The following DAB1 variants were observed in gnomAD, a reference collection of about 807,000 sequenced individuals.
DAB1 encodes DAB adaptor protein 1.
A neutral mutation model predicts 64.6 loss-of-function variants in DAB1; 15 were observed. The observed-to-expected ratio is 0.23, with a 90% confidence interval of 0.16 to 0.36. DAB1 has a LOEUF of 0.36. Among genes scored for constraint, DAB1 ranks in the 10% least tolerant of loss-of-function variants. The pLI is 1.00. For missense variants in DAB1, 596 were observed against 706.7 expected, an observed-to-expected ratio of 0.84 and a Z score of 1.78; for synonymous variants, 235 against 251.9, an observed-to-expected ratio of 0.93 and a Z score of 0.64.
chr1:57,538,488 G>A (rs769295086), intron 7 of DAB1, among the ~76,000 whole-genome samples: 22 of 152,248 alleles, frequency 1.4e-4, no homozygotes, highest in Admixed American at 1.2e-3. Flanking sequence ...GTGCTCTCTC[G>A]GTTTATCATG....
chr1:57,665,855 G>C (rs1470091986), intron 6 of DAB1, among the ~76,000 whole-genome samples: 289 of 144,930 alleles, frequency 2.0e-3, no homozygotes, highest in African/African-American at 6.2e-3. Context: ...TTATCTGTGT[G>C]TGTGTGTGTG....
chr1:57,764,304 T>A (rs932090149), intron 6 of DAB1, among the ~76,000 whole-genome samples: 1 of 152,182 alleles, frequency 6.6e-6, no homozygotes, highest in Non-Finnish European at 1.5e-5. Context: ...TCTCCTTTTT[T>A]AATTAACACA....
chr1:57,169,265 CA>C (rs1661500775), intron 2 of DAB1, among the ~76,000 whole-genome samples: 1 of 152,134 alleles, frequency 6.6e-6, no homozygotes, highest in Admixed American at 6.5e-5. Context: ...ACCCACTCTT[CA>C]ACAATCTCTT....
At chr1:58,327,152 TAGGGCA>T (rs1461680845) in intron 4 of DAB1, among the ~76,000 whole-genome samples, 2 of 152,228 alleles carry the variant, frequency 1.3e-5, no homozygotes, top group African/African-American at 4.8e-5. Flanking sequence ...TAATCAGTGC[TAGGGCA>T]AAATTTCACC....
intron 3 of DAB1, among the ~76,000 whole-genome samples, chr1:58,439,738 T>G (rs1448580956): frequency 1.3e-5 from 2 of 152,198 alleles, no homozygotes; most frequent in African/African-American, 4.8e-5. Context: ...AGATTCAAAC[T>G]CAGGCAATGT....
intron 7 of DAB1, among the ~76,000 whole-genome samples, chr1:57,609,265 C>T (rs1205055794): frequency 6.6e-6 from 1 of 152,130 alleles, no homozygotes; most frequent in Non-Finnish European, 1.5e-5. Context: ...AATTGATGAT[C>T]GTATGTGTAC....
chr1:57,613,851 G>A (rs939161526), intron 7 of DAB1, among the ~76,000 whole-genome samples: 6 of 152,122 alleles, frequency 3.9e-5, no homozygotes, highest in African/African-American at 1.4e-4. Context: ...AATTCCAGGT[G>A]GGCACCTATT....
chr1:57,739,304 A>G (rs76447193), intron 6 of DAB1, among the ~76,000 whole-genome samples: 1,684 of 152,060 alleles, frequency 0.011, 43 homozygotes, highest in African/African-American at 0.039. Flanking sequence ...TGCTCATCTG[A>G]AGTGCTCTCA....
chr1:58,170,984 A>G lies in DAB1; in HGVS notation n.310-20396T>C, dbSNP rs188019121. Among the ~76,000 whole-genome samples, 501 of 151,104 alleles carry G rather than the reference A, an allele frequency of 3.3e-3. 1 individual carries two copies. Among genetic ancestry groups the G allele is most frequent in the Non-Finnish European group, 6.0e-3 (406 of 67,766 alleles). On this transcript the variant is annotated intron_variant and non_coding_transcript_variant, in intron 4 of 20. Transcript: ENST00000485760. ...CTCCTGCCCCAGACGACTGTCCTCA[A>G]GGTCCGTTACCATCCGAGGAATCCT...
intron 2 of DAB1, chr1:58,527,154 C>T: frequency 1.4e-6 from 1 of 725,432 alleles, no homozygotes. Flanking sequence ...AGGGCTAATA[C>T]AGTCCAACTC....
intron 3 of DAB1, among the ~76,000 whole-genome samples, chr1:58,441,894 C>T (rs530871780): frequency 6.6e-6 from 1 of 152,072 alleles, no homozygotes; most frequent in African/African-American, 2.4e-5. Flanking sequence ...TGACTGGGAC[C>T]CCCCCAGAGA....
intron 4 of DAB1, among the ~76,000 whole-genome samples, chr1:58,284,406 G>A (rs666435): frequency 0.92 from 140,102 of 152,256 alleles, 64,465 homozygotes; most frequent in South Asian, 0.95. Context: ...GCCTCATGAT[G>A]TTTACACTGC....
At chr1:57,690,456 C>T (rs925539184) in intron 6 of DAB1, among the ~76,000 whole-genome samples, 5 of 152,182 alleles carry the variant, frequency 3.3e-5, no homozygotes, top group African/African-American at 1.2e-4. Context: ...CCTTCTCTCT[C>T]TTCCTCCTGC....
chr1:57,556,520 C>A (rs1372449133), intron 7 of DAB1, among the ~76,000 whole-genome samples: 1 of 152,006 alleles, frequency 6.6e-6, no homozygotes, highest in Non-Finnish European at 1.5e-5. Context: ...TTGCATTTCT[C>A]TGCTAATTAG....
At chr1:57,591,521 G>C (rs1645445710) in intron 7 of DAB1, among the ~76,000 whole-genome samples, 1 of 152,174 alleles carries the variant, frequency 6.6e-6, no homozygotes, top group Non-Finnish European at 1.5e-5. Flanking sequence ...GTATCCTAGA[G>C]CAATGGTACA....
chr1:58,088,520 G>C (rs552329763), intron 5 of DAB1, among the ~76,000 whole-genome samples: 2 of 152,242 alleles, frequency 1.3e-5, no homozygotes, highest in Non-Finnish European at 2.9e-5. Context: ...GAAATGTTTA[G>C]CACACGCTTG....
intron 3 of DAB1, among the ~76,000 whole-genome samples, chr1:58,412,793 C>T (rs1418275099): frequency 1.3e-5 from 2 of 152,236 alleles, no homozygotes; most frequent in East Asian, 1.9e-4. Flanking sequence ...TCTAATGTTT[C>T]TTAATGAGCA....
intron 7 of DAB1, among the ~76,000 whole-genome samples, chr1:57,471,187 A>T (rs988025498): frequency 6.6e-6 from 1 of 152,204 alleles, no homozygotes; most frequent in African/African-American, 2.4e-5. Context: ...CTAAACAAAG[A>T]TCAGCAAGAT....
chr1:57,534,684 T>C (rs1949832), intron 7 of DAB1, among the ~76,000 whole-genome samples: 46,905 of 152,060 alleles, frequency 0.31, 8,164 homozygotes, highest in African/African-American at 0.47. Flanking sequence ...GTCTCTGGCT[T>C]GGTAATCTGC....
Sources: allele counts gnomAD v4.1 joint callset (sites outside exome capture counted in the v4.1 genomes callset), GRCh38; gene constraint gnomAD v4.1.1; transcripts MANE v1.5; gene names NCBI Gene and HGNC (gene_info 2026-07-23, HGNC 2026-07-21).